The following BLK variants were observed in gnomAD, a reference collection of about 807,000 sequenced individuals.
The protein encoded by BLK is BLK proto-oncogene, Src family tyrosine kinase, also known as tyrosine-protein kinase Blk.
A neutral mutation model predicts 61.8 loss-of-function variants in BLK; 64 were observed. The ratio of observed to expected loss-of-function variants is 1.03; its 90% CI spans 0.85 to 1.27. The LOEUF (loss-of-function observed/expected upper bound fraction) is 1.27, where lower values mean the gene tolerates loss of function less well. Among genes scored for constraint, BLK ranks in the 50% most tolerant of loss-of-function variants. The pLI is 0.00. For missense variants in BLK, 853 were observed against 660.5 expected (o/e 1.29, Z -3.19); for synonymous variants, 351 against 272.0 (o/e 1.29, Z -2.86).
intron 2 of BLK, 78 bp downstream of exon 2, chr8:11,543,425 T>C (rs1585387924): frequency 4.4e-6 from 7 of 1,579,158 alleles, no homozygotes; most frequent in Non-Finnish European, 5.1e-6. Context: ...GTAAAATGGG[T>C]ATAGCAAAAG....
intron 1 of BLK, among the ~76,000 whole-genome samples, chr8:11,511,548 T>C (rs1240964867): frequency 2.0e-5 from 3 of 152,198 alleles, no homozygotes; most frequent in African/African-American, 7.2e-5. Flanking sequence ...CTGTCTTAAA[T>C]TTCCTTAAAC....
At chr8:11,523,421 T>G (rs1304472940) in intron 1 of BLK, among the ~76,000 whole-genome samples, 1 of 151,912 alleles carries the variant, frequency 6.6e-6, no homozygotes, top group Non-Finnish European at 1.5e-5. Context: ...AGCATGGTGG[T>G]GGGCGCCTGT....
intron 6 of BLK, chr8:11,553,702 G>T: frequency 6.1e-6 from 1 of 163,824 alleles, no homozygotes; most frequent in Non-Finnish European, 1.3e-5. Flanking sequence ...CAGCCTCTGG[G>T]CTGAGGCTGG....
intron 1 of BLK, among the ~76,000 whole-genome samples, chr8:11,541,118 T>G (rs1800358603): frequency 6.6e-6 from 1 of 151,798 alleles, no homozygotes; most frequent in Non-Finnish European, 1.5e-5. Flanking sequence ...AATAAAAAAT[T>G]TAGTAGGGCA....
chr8:11,554,812 G>A lies in BLK; in HGVS notation c.542G>A (p.Cys181Tyr). The A allele has an allele frequency of 6.2e-7, 1 of 1,614,114 alleles. No homozygotes were observed. Among genetic ancestry groups the A allele is most frequent in the Non-Finnish European group, 8.5e-7 (1 of 1,180,018 alleles). The change falls in exon 7 of 13, where the codon TGC (cysteine) becomes TAC (tyrosine). Residue 181 changes from cysteine (C) to tyrosine (Y), a missense_variant. Coordinates refer to ENST00000259089, the MANE Select transcript of BLK (RefSeq NM_001715.3). ...GELIKHYKIR[C>Y]LDEGGYYISP... ...CTGATCAAGCACTATAAGATCCGCT[G>A]CCTGGATGAAGGGGGCTACTACATC...
At chr8:11,497,060 C>G (rs1447952302) in intron 1 of BLK, among the ~76,000 whole-genome samples, 1 of 152,002 alleles carries the variant, frequency 6.6e-6, no homozygotes, top group Admixed American at 6.6e-5. Context: ...CCCAGCAGAG[C>G]GGGTGAGCCC....
chr8:11,535,324 GA>G, intron 1 of BLK, among the ~76,000 whole-genome samples: 1 of 113,356 alleles, frequency 8.8e-6, no homozygotes, highest in South Asian at 3.5e-4. Context: ...AAGAAAGAAA[GA>G]GAAGGAAAAG....
chr8:11,540,813 G>A (rs1395382070), intron 1 of BLK, among the ~76,000 whole-genome samples: 6 of 150,640 alleles, frequency 4.0e-5, no homozygotes, highest in Non-Finnish European at 5.9e-5. Context: ...TTTAGCCTGT[G>A]AGGAACAGAT....
At chr8:11,525,752 G>C (rs1799629193) in intron 1 of BLK, among the ~76,000 whole-genome samples, 1 of 152,092 alleles carries the variant, frequency 6.6e-6, no homozygotes, top group African/African-American at 2.4e-5. Flanking sequence ...GGGGTTTTTT[G>C]TTTTTTCTCT....
In BLK at chr8:11,504,926, A is replaced by C. The variant is rs188182390; in HGVS notation, c.-2+10335A>C. Among the ~76,000 whole-genome samples the C allele has an allele frequency of 4.1e-3, 625 of 152,364 alleles. 4 individuals are homozygous for C. The highest frequency in any genetic ancestry group is 7.1e-3 in the Admixed American group (108 of 15,304). On this transcript the variant is annotated intron_variant, in intron 1 of 12. Coordinates refer to ENST00000259089, the MANE Select transcript of BLK (RefSeq NM_001715.3). ...GGCAAGGGGGTAATGGATACAGAGCATATGTACACACAAACACACATGCAC... is the reference window on the plus strand; with the variant it reads ...GGCAAGGGGGTAATGGATACAGAGCCTATGTACACACAAACACACATGCAC...
chr8:11,561,054 C>G (rs752194330), intron 10 of BLK: 1 of 664,850 alleles, frequency 1.5e-6, no homozygotes, highest in Non-Finnish European at 2.8e-6. Context: ...CTGTGTGGAG[C>G]GAGAACGAGG....
chr8:11,558,351 C>T (rs944679765), intron 10 of BLK: 3 of 409,544 alleles, frequency 7.3e-6, no homozygotes, highest in South Asian at 2.0e-5. Context: ...ATGGGAAACA[C>T]ACAGAGTTAG....
intron 5 of BLK, among the ~76,000 whole-genome samples, chr8:11,549,809 T>C (rs1399010658): frequency 1.3e-5 from 2 of 152,240 alleles, no homozygotes; most frequent in African/African-American, 4.8e-5. Context: ...CTAATTCAGA[T>C]CTCAGACTGC....
At chr8:11,547,666 G>A (rs780117103) in intron 3 of BLK, among the ~76,000 whole-genome samples, 11 of 152,220 alleles carry the variant, frequency 7.2e-5, no homozygotes, top group Non-Finnish European at 1.5e-4. Flanking sequence ...GGGCCTCCGA[G>A]GGCAGGTGTA....
chr8:11,533,029 A>G (rs1028029775), intron 1 of BLK, among the ~76,000 whole-genome samples: 7 of 152,220 alleles, frequency 4.6e-5, no homozygotes, highest in Non-Finnish European at 8.8e-5. Flanking sequence ...AATACATGAA[A>G]AGCATGCAGT....
chr8:11,496,317 G>A (rs1287565598), intron 1 of BLK, among the ~76,000 whole-genome samples: 1 of 152,134 alleles, frequency 6.6e-6, no homozygotes, highest in Non-Finnish European at 1.5e-5. Context: ...ATCGCTCACT[G>A]CAGCACTGAC....
At chr8:11,535,196 A>C (rs1800061733) in intron 1 of BLK, among the ~76,000 whole-genome samples, 1 of 122,882 alleles carries the variant, frequency 8.1e-6, no homozygotes, top group Non-Finnish European at 1.9e-5. Flanking sequence ...AGAAAGAAAG[A>C]AGGAAAGAAA....
intron 1 of BLK, among the ~76,000 whole-genome samples, chr8:11,513,413 C>A (rs1263361100): frequency 1.3e-5 from 2 of 152,194 alleles, no homozygotes; most frequent in Non-Finnish European, 2.9e-5. Context: ...CCCTGTGTTA[C>A]CCCCAGGCTC....
At chr8:11,506,295 G>C (rs1041990244) in intron 1 of BLK, among the ~76,000 whole-genome samples, 1 of 152,168 alleles carries the variant, frequency 6.6e-6, no homozygotes, top group Non-Finnish European at 1.5e-5. Flanking sequence ...GCCTTCCCAA[G>C]GTCACAGCCT....
Sources: allele counts gnomAD v4.1 joint callset (sites outside exome capture counted in the v4.1 genomes callset), GRCh38; gene constraint gnomAD v4.1.1; transcripts MANE v1.5; gene names NCBI Gene and HGNC (gene_info 2026-07-23, HGNC 2026-07-21).